The following CDC45 variants were observed in gnomAD, a reference collection of about 807,000 sequenced individuals.
The protein encoded by CDC45 is cell division cycle 45, also known as cell division control protein 45 homolog.
A neutral mutation model predicts 77.8 loss-of-function variants in CDC45; 54 were observed. That is an observed-to-expected ratio of 0.69 (90% confidence interval 0.56 to 0.87). The LOEUF (loss-of-function observed/expected upper bound fraction) is 0.87, where lower values mean the gene tolerates loss of function less well. Among genes scored for constraint, CDC45 ranks in the 40% least tolerant of loss-of-function variants. CDC45 has a pLI of 0.00. For synonymous variants in CDC45, 260 were observed against 272.1 expected (o/e 0.96, Z 0.44); for missense variants, 649 against 721.6 (o/e 0.90, Z 1.15).
intron 7 of CDC45, among the ~76,000 whole-genome samples, chr22:19,497,072 A>G (rs1208445624): frequency 2.0e-5 from 3 of 152,134 alleles, no homozygotes; most frequent in African/African-American, 4.8e-5. Flanking sequence ...ACACAGGGAG[A>G]TACAAAGAGG....
chr22:19,509,562 A>C (rs75477395), intron 13 of CDC45, among the ~76,000 whole-genome samples: 1 of 152,230 alleles, frequency 6.6e-6, no homozygotes. Context: ...TGGGCCTGTC[A>C]AAAAGTGATT....
At chr22:19,516,026 C>A (rs544568043) in intron 15 of CDC45, among the ~76,000 whole-genome samples, 1 of 152,146 alleles carries the variant, frequency 6.6e-6, no homozygotes, top group African/African-American at 2.4e-5. Context: ...GAGAAGGAAA[C>A]CCTAAACCTT....
chr22:19,514,696 T>C, intron 13 of CDC45, 53 bp from the exon 14 acceptor site: 2 of 1,480,124 alleles, frequency 1.4e-6, no homozygotes, highest in African/African-American at 1.4e-5. Flanking sequence ...TTTGGTATTT[T>C]ACCAAGAGTT....
chr22:19,491,833 T>C (rs1294599174), intron 5 of CDC45, among the ~76,000 whole-genome samples: 1 of 144,304 alleles, frequency 6.9e-6, no homozygotes. Context: ...GGTTTATGTC[T>C]TTTTTTTTTT....
At chr22:19,512,708 T>C (rs2146431980) in intron 13 of CDC45, among the ~76,000 whole-genome samples, 1 of 152,336 alleles carries the variant, frequency 6.6e-6, no homozygotes, top group Non-Finnish European at 1.5e-5. Flanking sequence ...TTTGTAACTT[T>C]AACATATTTA....
In CDC45 at chr22:19,493,862, A is replaced by G. The variant is rs535138412; in HGVS notation, c.487-465A>G. Among the ~76,000 whole-genome samples, 7 of 152,334 alleles carry G rather than the reference A, an allele frequency of 4.6e-5. No homozygotes were observed. The East Asian group carries it at 1.4e-3, about 29-fold the overall frequency. ...CTCGGGACCATGGATTTCTAAACCT[A>G]CCACATTATTCCAGGCCTTTGTTGT... is the stretch of plus-strand genomic sequence containing the variant. On this transcript the variant is annotated intron_variant, in intron 5 of 18. Coordinates refer to ENST00000263201, the MANE Select transcript of CDC45 (RefSeq NM_003504.5).
chr22:19,504,830 C>T (rs572463357), intron 9 of CDC45, among the ~76,000 whole-genome samples: 92 of 152,208 alleles, frequency 6.0e-4, no homozygotes, highest in South Asian at 4.8e-3. Context: ...TTGTGATCTA[C>T]GGAGCAGTTA....
intron 5 of CDC45, among the ~76,000 whole-genome samples, chr22:19,488,300 G>A (rs1236416718): frequency 6.6e-6 from 1 of 152,210 alleles, no homozygotes; most frequent in African/African-American, 2.4e-5. Flanking sequence ...TAGGAATTTG[G>A]GCAGAGCCCA....
rs1934022900 is a variant in CDC45, at chr22:19,520,001, TCA to T, written c.*2-477_*2-476del. ...TCTCCTTAGACGATGAGTGTGAGCA[TCA>T]CAGGACTGCATAGGGTGGGGCGGAG... On this transcript the variant is annotated intron_variant, in intron 18 of 18. Transcript: ENST00000263201. The surrounding 1 kb of genome is among the most constrained non-coding windows in gnomAD (Gnocchi z 4.5). Among the ~76,000 whole-genome samples the T allele has an allele frequency of 6.6e-6, 1 of 152,206 alleles. No homozygotes were observed. The highest frequency in any genetic ancestry group is 1.5e-5 in the Non-Finnish European group (1 of 68,028).
chr22:19,516,294 C>T, intron 15 of CDC45: 1 of 552,572 alleles, frequency 1.8e-6, no homozygotes, highest in Non-Finnish European at 3.3e-6. Flanking sequence ...AGCCACAGTA[C>T]CATGCTGTGG....
chr22:19,500,121 C>T (rs1204013198), intron 9 of CDC45, among the ~76,000 whole-genome samples: 1 of 152,186 alleles, frequency 6.6e-6, no homozygotes, highest in Non-Finnish European at 1.5e-5. Context: ...GGAATTTGTG[C>T]ACAGATAATG....
intron 17 of CDC45, 110 bp from the exon 18 acceptor site, chr22:19,518,734 G>A: frequency 1.2e-6 from 1 of 828,180 alleles, no homozygotes; most frequent in South Asian, 1.4e-5. Flanking sequence ...GCCGGGAGGA[G>A]CCGCGCACTT....
At chr22:19,490,716 T>A (rs2090141279) in intron 5 of CDC45, among the ~76,000 whole-genome samples, 1 of 152,138 alleles carries the variant, frequency 6.6e-6, no homozygotes. Flanking sequence ...TCTATCTCCT[T>A]GTATAGATTT....
chr22:19,508,474 G>A, intron 12 of CDC45, 56 bp from the exon 13 acceptor site: 3 of 1,588,792 alleles, frequency 1.9e-6, no homozygotes, highest in Non-Finnish European at 2.6e-6. Flanking sequence ...GGCCTGCCTG[G>A]CAGTGAGAGC....
intron 5 of CDC45, among the ~76,000 whole-genome samples, chr22:19,493,513 C>T (rs1601941770): frequency 1.3e-5 from 2 of 152,102 alleles, no homozygotes; most frequent in South Asian, 2.1e-4. Flanking sequence ...GGCACAATCT[C>T]GGCTCACTGC....
At position 19,507,737 on chromosome 22, in the gene CDC45, C is replaced by T. The variant is rs770812414; in HGVS notation, c.957-29C>T. Reference sequence around the variant, plus strand: ...ACCCTGTCGGTGTGTGGTGACCTCACTCATGTGGCTTGGGCTTGCTCTTTC... The same window carrying T: ...ACCCTGTCGGTGTGTGGTGACCTCATTCATGTGGCTTGGGCTTGCTCTTTC... On this transcript the variant is annotated intron_variant, in intron 11 of 18. Coordinates refer to ENST00000263201, the MANE Select transcript of CDC45 (RefSeq NM_003504.5). 160 of 1,537,870 alleles carry T rather than the reference C, an allele frequency of 1.0e-4. 2 individuals are homozygous for T. In the South Asian group the frequency reaches 1.7e-3, roughly 16 times the overall value.
In CDC45 at chr22:19,494,378, C is replaced by T. The variant is rs944765107; in HGVS notation, c.538C>T (p.Arg180Trp). 9 of 1,613,424 alleles carry T rather than the reference C, an allele frequency of 5.6e-6. No individual in the cohort carries two copies. Among genetic ancestry groups the T allele is most frequent in the African/African-American group, 1.3e-5 (1 of 74,880 alleles). The change falls in exon 6 of 19, where the codon CGG becomes TGG. Residue 180 changes from arginine to tryptophan, a missense_variant. Coordinates refer to ENST00000263201, the MANE Select transcript of CDC45 (RefSeq NM_003504.5). ...RRRQRREWEA[R>W]RRDILFDYEQ... ...GAGGCAGCGGCGAGAGTGGGAGGCC[C>T]GGAGGTGAGTCTGTGCTTCCAGCTG...
intron 5 of CDC45, among the ~76,000 whole-genome samples, chr22:19,492,990 G>A (rs9617798): frequency 0.03 from 4,575 of 152,286 alleles, 243 homozygotes; most frequent in African/African-American, 0.1. Context: ...CCAACCAGCA[G>A]GGGTTGCAGT....
At chr22:19,493,306 T>C (rs2090184751) in intron 5 of CDC45, among the ~76,000 whole-genome samples, 2 of 151,918 alleles carry the variant, frequency 1.3e-5, no homozygotes, top group Non-Finnish European at 2.9e-5. Context: ...TGCTGGCTTT[T>C]CAGCTCCAAC....
Sources: allele counts gnomAD v4.1 joint callset (sites outside exome capture counted in the v4.1 genomes callset), GRCh38; gene constraint gnomAD v4.1.1; non-coding constraint Gnocchi (gnomAD v3.1); transcripts MANE v1.5; gene names NCBI Gene and HGNC (gene_info 2026-07-23, HGNC 2026-07-21).